The following GRIN1 variants were observed in gnomAD, a reference collection of about 807,000 sequenced individuals.
GRIN1 encodes glutamate receptor ionotropic, NMDA 1.
GRIN1 carries 38 observed loss-of-function variants against 103.0 expected under a neutral mutation model. The ratio of observed to expected loss-of-function variants is 0.37; its 90% CI spans 0.28 to 0.48. The LOEUF is 0.48. GRIN1 is among the 20% of genes least tolerant of loss of function. The pLI, the probability that GRIN1 is intolerant of heterozygous loss-of-function variation, is 0.98. For missense variants in GRIN1, 577 were observed against 1,288.9 expected (o/e 0.45, Z 8.46); for synonymous variants, 544 against 532.7 (o/e 1.02, Z -0.29).
chr9:137,165,508 C>T (rs1386812936), intron 19 of GRIN1: 7 of 597,210 alleles, frequency 1.2e-5, no homozygotes, highest in Non-Finnish European at 2.1e-5. Flanking sequence ...TCGGCTTTCC[C>T]CGTGTGTCTC....
intron 2 of GRIN1, among the ~76,000 whole-genome samples, chr9:137,144,628 C>A (rs1408284056): frequency 7.1e-6 from 1 of 140,746 alleles, no homozygotes. Context: ...GCCTGGGTAA[C>A]AGTGCGAGAC....
At chr9:137,160,932 G>T (rs1175460723) in intron 8 of GRIN1, 124 bp from the exon 9 acceptor site, 4 of 1,212,638 alleles carry the variant, frequency 3.3e-6, no homozygotes, top group Non-Finnish European at 4.8e-6. Flanking sequence ...GCGCAGGGCG[G>T]GGGGTGTGAG....
chr9:137,161,499 G>A (rs1833539283), intron 10 of GRIN1, 83 bp downstream of exon 10: 1 of 1,360,232 alleles, frequency 7.4e-7, no homozygotes, highest in East Asian at 2.5e-5. Context: ...GAGTAGGCGG[G>A]GCTTGCAGAT....
Position 137,146,038 on chromosome 9 carries a change from C to G in GRIN1, c.570+136C>G, listed in dbSNP as rs532583613. 1 of 661,132 alleles carries G rather than the reference C, an allele frequency of 1.5e-6. No homozygotes were observed. Among genetic ancestry groups the G allele is most frequent in the Admixed American group, 2.5e-5 (1 of 39,748 alleles). The allele number at this position is 661,132 out of a possible 1,614,324, so 41.0% of individuals were successfully genotyped here. A position where few individuals can be genotyped will look rare whatever the true frequency, so the allele number is the denominator to read the frequency against. Reference sequence around the variant, plus strand: ...AGCACCACCACGTCTGGCGAGCGCCCGCCCCAGCCTGTCCTCGGCTCATTT... The same window carrying G: ...AGCACCACCACGTCTGGCGAGCGCCGGCCCCAGCCTGTCCTCGGCTCATTT... On this transcript the variant is annotated intron_variant, in intron 3 of 19. Transcript: ENST00000371561. The surrounding 1 kb of genome is among the most constrained non-coding windows in gnomAD (Gnocchi z 6.7).
intron 8 of GRIN1, 70 bp from the exon 9 acceptor site, chr9:137,160,986 C>A (rs964284832): frequency 6.2e-6 from 10 of 1,602,364 alleles, no homozygotes; most frequent in Non-Finnish European, 8.5e-6. Context: ...AGGCTGGGAG[C>A]TGAGAAGAGA....
At chr9:137,150,190 T>C (rs1248371181) in intron 4 of GRIN1, among the ~76,000 whole-genome samples, 1 of 152,026 alleles carries the variant, frequency 6.6e-6, no homozygotes, top group Non-Finnish European at 1.5e-5. Flanking sequence ...TCCACTCCAC[T>C]CATCCAACTG....
chr9:137,156,635 G>A lies in GRIN1; in HGVS notation c.672-34G>A, dbSNP rs752241794. Reference sequence around the variant, plus strand: ...GCGGAGCGCCGCGGTGGGAGTGCTGGAGTCCTGGCCCGTCATCCCCGTCTG... The same window carrying A: ...GCGGAGCGCCGCGGTGGGAGTGCTGAAGTCCTGGCCCGTCATCCCCGTCTG... On this transcript the variant is annotated intron_variant, in intron 4 of 19. Transcript: ENST00000371561. The A allele has an allele frequency of 1.9e-6, 3 of 1,593,254 alleles. No homozygotes were observed. The Admixed American group carries it at 5.2e-5, about 27-fold the overall frequency.
At chr9:137,147,193 A>G (rs1832590121) in intron 3 of GRIN1, among the ~76,000 whole-genome samples, 1 of 151,748 alleles carries the variant, frequency 6.6e-6, no homozygotes, top group Non-Finnish European at 1.5e-5. Context: ...ACACATTCCC[A>G]TCACACTCCA....
At position 137,146,947 on chromosome 9, in the gene GRIN1, G is replaced by A. The variant is rs148447372; in HGVS notation, c.570+1045G>A. On this transcript the variant is annotated intron_variant, in intron 3 of 19. Transcript: ENST00000371561. This position sits in a 1 kb window ranked among gnomAD's most constrained non-coding sequence, Gnocchi z 6.7. Reference sequence around the variant, plus strand: ...TCGTGGGGGGTCTGCTGAGTCTTGGGGGGGAGGGGCATGGGCACCAAGGGC... The same window carrying A: ...TCGTGGGGGGTCTGCTGAGTCTTGGAGGGGAGGGGCATGGGCACCAAGGGC... Among the ~76,000 whole-genome samples, 1 of 151,658 alleles carries A rather than the reference G, an allele frequency of 6.6e-6. No individual in the cohort carries two copies. The highest frequency in any genetic ancestry group is 2.4e-5 in the African/African-American group (1 of 41,254).
rs1023277257 is a variant in GRIN1 at position 137,146,924 on chromosome 9, G to A, written c.570+1022G>A. On this transcript the variant is annotated intron_variant, in intron 3 of 19. Coordinates refer to ENST00000371561, the MANE Select transcript of GRIN1 (RefSeq NM_007327.4). The surrounding 1 kb of genome is among the most constrained non-coding windows in gnomAD (Gnocchi z 6.7). ...ACCAGAGGGTCCTGGGAGTACTGTC[G>A]TGGGGGGTCTGCTGAGTCTTGGGGG... Among the ~76,000 whole-genome samples, 6 of 152,144 alleles carry A rather than the reference G, an allele frequency of 3.9e-5. No homozygotes were observed. Among genetic ancestry groups the A allele is most frequent in the East Asian group, 3.9e-4 (2 of 5,176 alleles).
chr9:137,161,227 G>A (rs753412150), intron 9 of GRIN1, 30 bp downstream of exon 9: 4 of 1,606,916 alleles, frequency 2.5e-6, no homozygotes, highest in East Asian at 2.2e-5. Context: ...CGCGGGGCGC[G>A]GGGCAGGGCG....
intron 4 of GRIN1, among the ~76,000 whole-genome samples, chr9:137,152,833 C>T (rs1832981158): frequency 6.6e-6 from 1 of 152,126 alleles, no homozygotes. Context: ...CATGTATACA[C>T]ACTATAGTCA....
intron 19 of GRIN1, among the ~76,000 whole-genome samples, chr9:137,166,311 A>G (rs535886100): frequency 2.0e-5 from 3 of 152,086 alleles, no homozygotes; most frequent in Non-Finnish European, 4.4e-5. Flanking sequence ...AGGCCCCCAG[A>G]GCGAACCCAG....
chr9:137,139,755 C>G lies in GRIN1; in HGVS notation c.258+11C>G. The G allele has an allele frequency of 6.2e-7, 1 of 1,606,136 alleles. No homozygotes were observed. Among genetic ancestry groups the G allele is most frequent in the Non-Finnish European group, 8.5e-7 (1 of 1,173,168 alleles). ...CTCATCTCCAGCCAGGTGCCCTCCC[C>G]CACCTCCGCCACCCACCTCCCCTCT... On this transcript the variant is annotated intron_variant, in intron 1 of 19. Transcript: ENST00000371561. This position sits in a 1 kb window ranked among gnomAD's most constrained non-coding sequence, Gnocchi z 7.7.
intron 6 of GRIN1, among the ~76,000 whole-genome samples, chr9:137,157,264 A>T (rs1833289121): frequency 6.6e-6 from 1 of 152,002 alleles, no homozygotes; most frequent in East Asian, 1.9e-4. Context: ...CGCTTCCAGG[A>T]GGTGGGCGGC....
At chr9:137,144,784 GGGTGGT>G (rs1564343849) in intron 2 of GRIN1, among the ~76,000 whole-genome samples, 9 of 18,958 alleles carry the variant, frequency 4.7e-4, no homozygotes, top group African/African-American at 7.4e-4. Flanking sequence ...AGTGTCCCCA[GGGTGGT>G]AGGGACAGGG....
At chr9:137,164,730 CCT>C in intron 18 of GRIN1, 1 of 232,172 alleles carries the variant, frequency 4.3e-6, no homozygotes, top group Non-Finnish European at 8.6e-6. Context: ...CCGGGAGCTG[CCT>C]CTGTCACTCC....
Position 137,146,340 on chromosome 9 carries a change from C to T in GRIN1, c.570+438C>T, listed in dbSNP as rs1338818082. ...ACCGCCCCTGCAGGCCTGTCCCCTC[C>T]TGGCTGGGCCCATTCCCTGTCCTCC... On this transcript the variant is annotated intron_variant, in intron 3 of 19. Coordinates refer to ENST00000371561, the MANE Select transcript of GRIN1 (RefSeq NM_007327.4). The surrounding 1 kb of genome is among the most constrained non-coding windows in gnomAD (Gnocchi z 6.7). 1.3e-5 allele frequency among the ~76,000 whole-genome samples: 2 copies of T among 152,054 alleles called. No individual in the cohort carries two copies. Among genetic ancestry groups the T allele is most frequent in the Non-Finnish European group, 2.9e-5 (2 of 67,972 alleles).
In GRIN1 at chr9:137,162,749, G is replaced by A. The variant is rs776283443; in HGVS notation, c.2013+10G>A. 1.2e-6 allele frequency: 2 copies of A among 1,602,260 alleles called. No individual in the cohort carries two copies. The highest frequency in any genetic ancestry group is 2.2e-5 in the South Asian group (2 of 89,538). ...CATCAACGACCCTCGGGTGAGGCCT[G>A]GCCGGGCTGGGGGAGGGAATGCGAG... On this transcript the variant is annotated intron_variant, in intron 14 of 19. Transcript: ENST00000371561.
Sources: allele counts gnomAD v4.1 joint callset (sites outside exome capture counted in the v4.1 genomes callset), GRCh38; gene constraint gnomAD v4.1.1; non-coding constraint Gnocchi (gnomAD v3.1); transcripts MANE v1.5; gene names NCBI Gene and HGNC (gene_info 2026-07-23, HGNC 2026-07-21).